RASGRP3: variants seen among roughly 807,000 people sequenced by gnomAD.
RASGRP3 encodes the protein ras guanyl-releasing protein 3.
In RASGRP3, 54 loss-of-function variants were observed where a neutral mutation model predicts 82.7. The observed-to-expected ratio is 0.65, with a 90% CI of 0.52 to 0.82. The LOEUF is 0.82. RASGRP3 is among the 40% of genes least tolerant of loss of function. The pLI, the probability that RASGRP3 is intolerant of heterozygous loss-of-function variation, is 0.00. For missense variants in RASGRP3, 861 were observed against 828.9 expected, an observed-to-expected ratio of 1.04 and a Z score of -0.48; for synonymous variants, 309 against 300.5, an observed-to-expected ratio of 1.03 and a Z score of -0.29.
intron 4 of RASGRP3, among the ~76,000 whole-genome samples, chr2:33,518,899 A>G (rs1671724131): frequency 6.6e-6 from 1 of 152,182 alleles, no homozygotes; most frequent in Non-Finnish European, 1.5e-5. Context: ...TATGATAACA[A>G]TCCCTTCTTC....
At chr2:33,521,150 A>G (rs1288642958) in intron 6 of RASGRP3, among the ~76,000 whole-genome samples, 1 of 152,200 alleles carries the variant, frequency 6.6e-6, no homozygotes, top group Non-Finnish European at 1.5e-5. Flanking sequence ...AGTGATTCAC[A>G]TGCAAGCTTG....
intron 1 of RASGRP3, among the ~76,000 whole-genome samples, chr2:33,479,042 T>A (rs958142873): frequency 2.6e-5 from 4 of 152,246 alleles, no homozygotes; most frequent in Middle Eastern, 6.3e-3. Context: ...TGGATCTGAC[T>A]GTAGAACCTG....
At chr2:33,504,641 G>A (rs1670181494) in intron 1 of RASGRP3, among the ~76,000 whole-genome samples, 1 of 152,162 alleles carries the variant, frequency 6.6e-6, no homozygotes, top group African/African-American at 2.4e-5. Flanking sequence ...GCGACAGTCA[G>A]CTTCCACTCC....
At chr2:33,436,623 G>A (rs1384496219) in intron 1 of RASGRP3, 2 of 152,180 alleles carry the variant, frequency 1.3e-5, no homozygotes, top group Non-Finnish European at 2.9e-5. Context: ...GTCTGTTGTT[G>A]CGTCTTAATG....
At chr2:33,520,072 T>A in intron 5 of RASGRP3, 58 bp downstream of exon 5, 1 of 1,372,622 alleles carries the variant, frequency 7.3e-7, no homozygotes, top group South Asian at 1.3e-5. Context: ...TCGTGGACAA[T>A]TTCCTTTTCC....
chr2:33,519,926 G>C (rs1671855130), intron 4 of RASGRP3, 26 bp from the exon 5 acceptor site: 1 of 1,585,086 alleles, frequency 6.3e-7, no homozygotes, highest in Admixed American at 1.7e-5. Flanking sequence ...GGAGGTGCAA[G>C]GATTTTTTTT....
rs1558465102 is a variant in RASGRP3, at chr2:33,511,783, G to C, written c.-187G>C. ...CTGCTTCTTCCATGCATTTCCCAAT[G>C]ATGCTAGCTGCCCTTAAAATTCTTT... On this transcript the variant is annotated 5_prime_UTR_variant, in exon 2 of 18. It removes an upstream start codon present in the reference 5' UTR. Coordinates refer to ENST00000403687, the MANE Select transcript of RASGRP3 (RefSeq NM_001139488.2). 1 of 152,592 alleles carries C rather than the reference G, an allele frequency of 6.6e-6. No individual in the cohort carries two copies. Among genetic ancestry groups the C allele is most frequent in the South Asian group, 2.1e-4 (1 of 4,828 alleles). 9.5% of individuals were successfully genotyped at this position (152,592 alleles called of 1,614,324 possible).
At chr2:33,464,109 TA>T (rs1666540721) in intron 2 of RASGRP3, among the ~76,000 whole-genome samples, 8 of 144,336 alleles carry the variant, frequency 5.5e-5, no homozygotes, top group African/African-American at 2.1e-4. Flanking sequence ...ATAATAATAA[TA>T]ATTATTATTA....
intron 3 of RASGRP3, among the ~76,000 whole-genome samples, chr2:33,516,295 C>A (rs1021639657): frequency 3.3e-4 from 50 of 152,168 alleles, no homozygotes; most frequent in Admixed American, 3.1e-3. Context: ...GTAGTCCCAG[C>A]TACTCAGGAG....
chr2:33,438,289 G>A (rs768220890), intron 1 of RASGRP3, among the ~76,000 whole-genome samples: 6 of 152,228 alleles, frequency 3.9e-5, no homozygotes, highest in Non-Finnish European at 5.9e-5. Flanking sequence ...GGGGCCAGGC[G>A]TGGTGGCTCA....
intron 1 of RASGRP3, among the ~76,000 whole-genome samples, chr2:33,441,118 C>A (rs752451269): frequency 6.6e-6 from 1 of 152,148 alleles, no homozygotes; most frequent in Non-Finnish European, 1.5e-5. Context: ...TCTTGAACTC[C>A]TGACCTCAAA....
intron 15 of RASGRP3, among the ~76,000 whole-genome samples, chr2:33,556,646 G>C (rs918262532): frequency 2.0e-5 from 3 of 152,042 alleles, no homozygotes; most frequent in Admixed American, 2.0e-4. Flanking sequence ...TGTTCCCCAG[G>C]GATGCCTTTT....
At chr2:33,469,092 T>A (rs1666896691) in intron 2 of RASGRP3, among the ~76,000 whole-genome samples, 2 of 152,334 alleles carry the variant, frequency 1.3e-5, no homozygotes, top group South Asian at 4.2e-4. Flanking sequence ...TAATGTATAC[T>A]CCTTTTTTAG....
intron 1 of RASGRP3, among the ~76,000 whole-genome samples, chr2:33,495,257 A>G (rs1392478538): frequency 1.3e-5 from 2 of 152,200 alleles, no homozygotes; most frequent in South Asian, 2.1e-4. Flanking sequence ...TTCCACAGAC[A>G]GGGCAGGGGC....
intron 13 of RASGRP3, among the ~76,000 whole-genome samples, chr2:33,547,120 G>A (rs1674856386): frequency 6.7e-6 from 1 of 149,910 alleles, no homozygotes. Flanking sequence ...GCGGATGGAA[G>A]TGGAGGCTAT....
intron 12 of RASGRP3, 130 bp downstream of exon 12, chr2:33,539,340 AG>A: frequency 5.6e-6 from 4 of 713,824 alleles, no homozygotes; most frequent in Non-Finnish European, 7.2e-6. Flanking sequence ...ACAATTTAGC[AG>A]GCACTTAGTC....
intron 3 of RASGRP3, among the ~76,000 whole-genome samples, chr2:33,515,729 T>C (rs1574395921): frequency 6.6e-6 from 1 of 152,234 alleles, no homozygotes; most frequent in Non-Finnish European, 1.5e-5. Flanking sequence ...TTATACACTT[T>C]TCAGCTGTAT....
rs201790610 is a variant in RASGRP3 at position 33,523,944 on chromosome 2, G to A, written c.582G>A (p.Ser194=). The change falls in exon 8 of 18, where the codon TCG becomes TCA. Residue 194 remains serine, a synonymous_variant. Coordinates refer to ENST00000403687, the MANE Select transcript of RASGRP3 (RefSeq NM_001139488.2). ...CLENNPTLER[S]IALFNGISKW... Reference sequence around the variant, plus strand: ...AGAATAATCCAACCTTGGAAAGATCGATTGCTTTATTTAATGGAATCTCTA... The same window carrying A: ...AGAATAATCCAACCTTGGAAAGATCAATTGCTTTATTTAATGGAATCTCTA... The A allele has an allele frequency of 4.5e-5, 72 of 1,613,882 alleles. No homozygotes were observed. Among genetic ancestry groups the A allele is most frequent in the Admixed American group, 2.0e-4 (12 of 60,012 alleles).
intron 1 of RASGRP3, among the ~76,000 whole-genome samples, chr2:33,486,555 T>C (rs1218451254): frequency 3.9e-5 from 6 of 152,236 alleles, no homozygotes; most frequent in African/African-American, 1.4e-4. Flanking sequence ...TTTTACTGTT[T>C]AGTTAAATAG....
Sources: allele counts gnomAD v4.1 joint callset (sites outside exome capture counted in the v4.1 genomes callset), GRCh38; gene constraint gnomAD v4.1.1; transcripts MANE v1.5; gene names NCBI Gene and HGNC (gene_info 2026-07-23, HGNC 2026-07-21).